Variants in MED12L observed in about 807,000 individuals in gnomAD.
MED12L encodes the protein mediator of RNA polymerase II transcription subunit 12-like protein.
A neutral mutation model predicts 281.3 loss-of-function variants in MED12L; 60 were observed. That is an observed-to-expected ratio of 0.21 (90% confidence interval 0.17 to 0.26). The LOEUF is 0.26. MED12L is among the 10% of genes least tolerant of loss of function. MED12L has a pLI of 1.00. For synonymous variants in MED12L, 974 were observed against 987.2 expected (o/e 0.99, Z 0.25); for missense variants, 2,146 against 2,680.9 (o/e 0.80, Z 4.41).
intron 16 of MED12L, among the ~76,000 whole-genome samples, chr3:151,200,422 T>C (rs191678245): frequency 5.9e-5 from 9 of 152,344 alleles, no homozygotes; most frequent in Admixed American, 2.0e-4. Flanking sequence ...TTTTGTATTT[T>C]AGCAAGGAAA....
At chr3:151,417,486 C>CTTTTTT (rs1287791429) in intron 43 of MED12L, among the ~76,000 whole-genome samples, 2 of 56,156 alleles carry the variant, frequency 3.6e-5, no homozygotes, top group African/African-American at 1.2e-4. Flanking sequence ...TCCCCCCCCG[C>CTTTTTT]CTTTTTTTTT....
At chr3:151,270,788 A>C (rs1447015775) in intron 16 of MED12L, among the ~76,000 whole-genome samples, 2 of 152,204 alleles carry the variant, frequency 1.3e-5, no homozygotes, top group Non-Finnish European at 2.9e-5. Context: ...CACATTTAAA[A>C]TAAGTTCTCT....
At chr3:151,343,254 A>G (rs1028304657) in intron 16 of MED12L, among the ~76,000 whole-genome samples, 2 of 152,190 alleles carry the variant, frequency 1.3e-5, no homozygotes, top group African/African-American at 2.4e-5. Flanking sequence ...CAAGAAAATG[A>G]TTATTTTTAA....
At chr3:151,196,210 A>T (rs1429053121) in intron 16 of MED12L, among the ~76,000 whole-genome samples, 1 of 152,246 alleles carries the variant, frequency 6.6e-6, no homozygotes, top group Non-Finnish European at 1.5e-5. Context: ...ATAACAATTC[A>T]TGAAAGAACT....
At chr3:151,365,299 C>A in intron 22 of MED12L, 93 bp downstream of exon 22, 1 of 1,019,486 alleles carries the variant, frequency 9.8e-7, no homozygotes, top group Non-Finnish European at 1.5e-6. Context: ...TGTCTGGACT[C>A]ACATTTGGCT....
At chr3:151,386,314 C>A (rs1178210747) in intron 36 of MED12L, among the ~76,000 whole-genome samples, 2 of 152,186 alleles carry the variant, frequency 1.3e-5, no homozygotes, top group South Asian at 2.1e-4. Context: ...GGAAAAAGTT[C>A]TCATCTCAAG....
chr3:151,272,723 T>C (rs560953413), intron 16 of MED12L, among the ~76,000 whole-genome samples: 2 of 152,248 alleles, frequency 1.3e-5, no homozygotes, highest in East Asian at 1.9e-4. Context: ...TGGATATGGC[T>C]TGAAGTGTGG....
intron 2 of MED12L, among the ~76,000 whole-genome samples, chr3:151,114,502 G>A (rs538168009): frequency 6.6e-6 from 1 of 152,176 alleles, no homozygotes. Flanking sequence ...ATTAATCATA[G>A]CGGTGATTTT....
chr3:151,322,719 C>T (rs1210109075), intron 16 of MED12L, among the ~76,000 whole-genome samples: 2 of 152,104 alleles, frequency 1.3e-5, no homozygotes. Flanking sequence ...GTATTCAGTA[C>T]ACTGGACTTC....
intron 16 of MED12L, chr3:151,338,194 G>A (rs758020400): frequency 1.1e-5 from 18 of 1,613,916 alleles, no homozygotes; most frequent in East Asian, 2.2e-5. Flanking sequence ...ACGTATGACC[G>A]GTACAGTTCT....
intron 31 of MED12L, among the ~76,000 whole-genome samples, chr3:151,378,428 C>T (rs1024636457): frequency 6.6e-6 from 1 of 152,110 alleles, no homozygotes; most frequent in African/African-American, 2.4e-5. Flanking sequence ...ATTTCCGAGA[C>T]CCGCTTTAGA....
chr3:151,377,218 T>G, intron 30 of MED12L, 40 bp downstream of exon 30: 1 of 1,543,894 alleles, frequency 6.5e-7, no homozygotes, highest in Non-Finnish European at 8.8e-7. Context: ...TCATGAATTT[T>G]TCACAAGTAA....
intron 3 of MED12L, among the ~76,000 whole-genome samples, chr3:151,119,698 T>C (rs1266565255): frequency 3.3e-5 from 5 of 152,216 alleles, no homozygotes; most frequent in African/African-American, 7.2e-5. Context: ...TATAAAGTTT[T>C]ATGTCAGTTT....
At chr3:151,350,037 G>A in intron 16 of MED12L, 22 bp from the exon 17 acceptor site, 1 of 1,600,848 alleles carries the variant, frequency 6.2e-7, no homozygotes. Flanking sequence ...AAGAGTTTCA[G>A]AATGCATTTT....
chr3:151,161,452 G>A (rs1719969205), intron 8 of MED12L, among the ~76,000 whole-genome samples: 1 of 152,186 alleles, frequency 6.6e-6, no homozygotes, highest in South Asian at 2.1e-4. Context: ...CTGAAGGACA[G>A]GAGTGCTTAA....
intron 16 of MED12L, among the ~76,000 whole-genome samples, chr3:151,322,099 A>G (rs190890655): frequency 6.6e-6 from 1 of 152,308 alleles, no homozygotes; most frequent in East Asian, 1.9e-4. Flanking sequence ...CATGTTCACT[A>G]TGCACATCAT....
chr3:151,169,882 G>A (rs976442276), intron 11 of MED12L, among the ~76,000 whole-genome samples: 1 of 152,190 alleles, frequency 6.6e-6, no homozygotes, highest in Non-Finnish European at 1.5e-5. Flanking sequence ...ACTAGAAGTC[G>A]TGTCTAGGTA....
intron 3 of MED12L, among the ~76,000 whole-genome samples, chr3:151,120,056 TAAAAA>T (rs35163584): frequency 8.4e-6 from 1 of 118,362 alleles, no homozygotes; most frequent in Non-Finnish European, 1.8e-5. Context: ...CTGTCTCTAC[TAAAAA>T]AAAAAAAAAA....
At chr3:151,300,097 C>G (rs1745696596) in intron 16 of MED12L, 2 of 1,607,306 alleles carry the variant, frequency 1.2e-6, no homozygotes, top group Non-Finnish European at 1.7e-6. Context: ...AAGTTGAACC[C>G]CATTCTTCAG....
Sources: allele counts gnomAD v4.1 joint callset (sites outside exome capture counted in the v4.1 genomes callset), GRCh38; gene constraint gnomAD v4.1.1; transcripts MANE v1.5; gene names NCBI Gene and HGNC (gene_info 2026-07-23, HGNC 2026-07-21).